The following SEM1 variants were observed in gnomAD, a reference collection of about 807,000 sequenced individuals.
The protein encoded by SEM1 is SEM1 26S proteasome subunit.
Under a neutral mutation model 12.7 loss-of-function variants are expected in SEM1, and 3 were observed. The ratio of observed to expected loss-of-function variants is 0.24; its 90% confidence interval spans 0.11 to 0.61. The LOEUF is 0.61. SEM1 is among the 20% of genes least tolerant of loss of function. SEM1 has a pLI of 0.88. For missense variants in SEM1, 59 were observed against 81.3 expected (o/e 0.73, Z 1.06); for synonymous variants, 30 against 27.8 (o/e 1.08, Z -0.25).
chr7:96,697,163 T>A (rs930710374), intron 1 of SEM1: 1 of 150,114 alleles, frequency 6.7e-6, no homozygotes, highest in Non-Finnish European at 1.5e-5. Flanking sequence ...TCCAGATGTG[T>A]ACTGGTTTAA....
intron 2 of SEM1, among the ~76,000 whole-genome samples, chr7:96,561,223 T>C (rs1352844909): frequency 1.3e-5 from 2 of 152,186 alleles, no homozygotes; most frequent in Non-Finnish European, 2.9e-5. Flanking sequence ...TTTTGCAATG[T>C]TCCACATGAC....
chr7:96,645,928 T>C, intron 2 of SEM1: 1 of 398,338 alleles, frequency 2.5e-6, no homozygotes, highest in Non-Finnish European at 4.4e-6. Context: ...GAGATGATGC[T>C]GTGTCTACCT....
chr7:96,646,620 A>T (rs1395600411), intron 2 of SEM1, among the ~76,000 whole-genome samples: 1 of 152,148 alleles, frequency 6.6e-6, no homozygotes, highest in African/African-American at 2.4e-5. Context: ...AGTTCTCTGG[A>T]TTCCTCAGTG....
chr7:96,685,518 C>T (rs1352220885), downstream of SEM1, among the ~76,000 whole-genome samples: 1 of 152,006 alleles, frequency 6.6e-6, no homozygotes, highest in Non-Finnish European at 1.5e-5. Flanking sequence ...AAGAGAAACC[C>T]TAAGTTGTGC....
intron 2 of SEM1, among the ~76,000 whole-genome samples, chr7:96,550,918 G>C (rs1351489655): frequency 6.6e-6 from 1 of 152,180 alleles, no homozygotes; most frequent in Non-Finnish European, 1.5e-5. Context: ...GTTTTGAAGT[G>C]TAATGGAAAG....
chr7:96,572,151 T>C (rs533904129), intron 2 of SEM1, among the ~76,000 whole-genome samples: 1 of 152,324 alleles, frequency 6.6e-6, no homozygotes, highest in African/African-American at 2.4e-5. Flanking sequence ...CATTTTTTAT[T>C]GTGTCTATTT....
chr7:96,518,636 A>G (rs933101314), intron 2 of SEM1, among the ~76,000 whole-genome samples: 1 of 152,088 alleles, frequency 6.6e-6, no homozygotes. Flanking sequence ...TCAGTTCATA[A>G]TTTAGTTTCC....
Position 96,703,972 on chromosome 7 carries a change from A to AAAACACACAC in SEM1, c.76+5715_76+5716insGTGTGTGTTT, listed in dbSNP as rs544848457. Among the ~76,000 whole-genome samples, 7 of 142,182 alleles carry AAAACACACAC rather than the reference A, an allele frequency of 4.9e-5. No homozygotes were observed. In the East Asian group the frequency reaches 1.3e-3, roughly 25 times the overall value. 93.3% of individuals were successfully genotyped at this position (142,182 alleles called of 152,430 possible). ...CCAGAGCAAGACCTTGTCTCTTAAA[A>AAAACACACAC]ACACACACACACACACACACACACA... On this transcript the variant is annotated intron_variant, in intron 1 of 2. Transcript: ENST00000248566.
At chr7:96,683,213 G>A (rs1393850460) in intron 2 of SEM1, among the ~76,000 whole-genome samples, 1 of 151,660 alleles carries the variant, frequency 6.6e-6, no homozygotes, top group Non-Finnish European at 1.5e-5. Flanking sequence ...TACTAGAAAA[G>A]TGGGTGAATG....
chr7:96,510,188 C>T (rs1177385117), intron 2 of SEM1, among the ~76,000 whole-genome samples: 5 of 152,104 alleles, frequency 3.3e-5, no homozygotes, highest in East Asian at 3.9e-4. Flanking sequence ...TTGATATTCA[C>T]ATTACAATAG....
intron 2 of SEM1, among the ~76,000 whole-genome samples, chr7:96,597,898 C>CAT (rs1807055523): frequency 1.3e-5 from 2 of 152,072 alleles, no homozygotes; most frequent in African/African-American, 2.4e-5. Flanking sequence ...TAAACAAACA[C>CAT]ATATATATAG....
At position 96,705,430 on chromosome 7, in the gene SEM1, C is replaced by G. The variant is rs1012097484; in HGVS notation, c.76+4258G>C. Among the ~76,000 whole-genome samples the G allele has an allele frequency of 1.3e-5, 2 of 151,334 alleles. 1 individual carries two copies. Among genetic ancestry groups the G allele is most frequent in the East Asian group, 3.9e-4 (2 of 5,126 alleles). On this transcript the variant is annotated intron_variant, in intron 1 of 2. Transcript: ENST00000248566. ...AAAAGAATCTAAAGGAGCACTTGTT[C>G]TCTTCCCTCTTTTACTCGAATCCAC...
intron 2 of SEM1, among the ~76,000 whole-genome samples, chr7:96,694,216 TAAC>T (rs1410042847): frequency 6.6e-6 from 1 of 151,974 alleles, no homozygotes; most frequent in Non-Finnish European, 1.5e-5. Context: ...AATGACTGCT[TAAC>T]AAGTACTGTG....
At chr7:96,596,145 A>T (rs1176094417) in intron 2 of SEM1, among the ~76,000 whole-genome samples, 2 of 152,230 alleles carry the variant, frequency 1.3e-5, no homozygotes, top group African/African-American at 4.8e-5. Context: ...CAGATGAAGG[A>T]TCAGATTGTT....
chr7:96,679,988 T>G (rs1024679962), intron 2 of SEM1, among the ~76,000 whole-genome samples: 1 of 152,154 alleles, frequency 6.6e-6, no homozygotes, highest in African/African-American at 2.4e-5. Flanking sequence ...GAATACTTTC[T>G]GTGGTAGCCA....
chr7:96,486,362 T>G (rs1342538170), exon 2 of SEM1: 1 of 1,537,042 alleles, frequency 6.5e-7, no homozygotes, highest in East Asian at 2.4e-5. Flanking sequence ...TTTTATGCCA[T>G]GCTTTCTTCC....
chr7:96,508,530 G>C (rs1352096031), intron 2 of SEM1, among the ~76,000 whole-genome samples: 2 of 152,010 alleles, frequency 1.3e-5, no homozygotes, highest in Admixed American at 1.3e-4. Flanking sequence ...CCTGGCCCTG[G>C]GCCTTATGTA....
At chr7:96,552,108 C>T (rs990510081) in intron 2 of SEM1, among the ~76,000 whole-genome samples, 1 of 152,170 alleles carries the variant, frequency 6.6e-6, no homozygotes, top group Non-Finnish European at 1.5e-5. Context: ...CCAGGGGAAG[C>T]GTGGCCTCAC....
chr7:96,489,821 T>A (rs1319937432), intron 1 of SEM1, among the ~76,000 whole-genome samples: 4 of 152,198 alleles, frequency 2.6e-5, no homozygotes, highest in Admixed American at 1.3e-4. Flanking sequence ...ATGGCCTCTG[T>A]GTATCTATGT....
Sources: allele counts gnomAD v4.1 joint callset (sites outside exome capture counted in the v4.1 genomes callset), GRCh38; gene constraint gnomAD v4.1.1; transcripts MANE v1.5; gene names NCBI Gene and HGNC (gene_info 2026-07-23, HGNC 2026-07-21).